TUSC3: variants seen among roughly 807,000 people sequenced by gnomAD.
The protein encoded by TUSC3 is tumor suppressor candidate 3, also known as dolichyl-diphosphooligosaccharide--protein glycosyltransferase subunit TUSC3.
Under a neutral mutation model 44.8 loss-of-function variants are expected in TUSC3, and 45 were observed. The ratio of observed to expected loss-of-function variants is 1.00; its 90% CI spans 0.79 to 1.29. The LOEUF (loss-of-function observed/expected upper bound fraction) is 1.29. TUSC3 is among the 50% of genes most tolerant of loss of function. The pLI, the probability that TUSC3 is intolerant of heterozygous loss-of-function variation, is 0.00. For synonymous variants in TUSC3, 212 were observed against 152.9 expected (o/e 1.39, Z -2.85); for missense variants, 519 against 437.9 (o/e 1.19, Z -1.65).
In TUSC3 at chr8:15,697,186, C is replaced by T. The variant is rs117671842; in HGVS notation, c.798+23350C>T. On this transcript the variant is annotated intron_variant, in intron 6 of 10. Transcript: ENST00000503731. The stretch of plus-strand genomic sequence containing the variant: ...TTTGTCTCTATTTTTCTTGGTTAAT[C>T]TTGCTAATGGTCTATCAGTTTTATT... Among the ~76,000 whole-genome samples the T allele has an allele frequency of 3.4e-3, 514 of 152,254 alleles. 9 individuals carry two copies. In the East Asian group the frequency reaches 0.035, roughly 10 times the overall value.
chr8:15,441,394 G>A lies in TUSC3; in HGVS notation n.91+24089G>A, dbSNP rs903651230. Among the ~76,000 whole-genome samples, 4 of 152,082 alleles carry A rather than the reference G, an allele frequency of 2.6e-5. No homozygotes were observed. In the South Asian group the frequency reaches 8.3e-4, roughly 32 times the overall value. On this transcript the variant is annotated intron_variant and non_coding_transcript_variant, in intron 1 of 5. Transcript: ENST00000503191. ...TGCACTCCAGGCTGGGTGAGACAGCGAGACTCTCTCAAAAAAATTAAGTAA... is the reference window on the plus strand; with the variant it reads ...TGCACTCCAGGCTGGGTGAGACAGCAAGACTCTCTCAAAAAAATTAAGTAA...
chr8:15,645,187 CTACT>C (rs1296378048), intron 2 of TUSC3, among the ~76,000 whole-genome samples: 3 of 152,104 alleles, frequency 2.0e-5, no homozygotes, highest in Non-Finnish European at 2.9e-5. Flanking sequence ...TTTGCATAAT[CTACT>C]TACTTCAGAA....
chr8:15,639,782 G>GT (rs34230510), intron 2 of TUSC3, among the ~76,000 whole-genome samples: 134,302 of 140,862 alleles, frequency 0.95, 64,136 homozygotes, highest in Middle Eastern at 0.99. Flanking sequence ...CATAAGAGTC[G>GT]TTTTTTTTTT....
the TUSC3 span, among the ~76,000 whole-genome samples, chr8:15,841,026 C>T: frequency 1.1e-4 from 16 of 152,124 alleles, no homozygotes; most frequent in Admixed American, 1.0e-3. Context: ...GACTAGGAGT[C>T]CCTTTAGTCC....
chr8:15,830,520 C>T, the TUSC3 span, among the ~76,000 whole-genome samples: 7 of 152,018 alleles, frequency 4.6e-5, no homozygotes, highest in South Asian at 2.1e-4. Flanking sequence ...AGGTGTTTAT[C>T]GATGGATGAC....
At position 15,544,907 on chromosome 8, in the gene TUSC3, C is replaced by T. The variant is rs540162261; in HGVS notation, c.138+4339C>T. On this transcript the variant is annotated intron_variant, in intron 1 of 10. Coordinates refer to ENST00000503731, the MANE Select transcript of TUSC3 (RefSeq NM_006765.4). ...AGCCAAAGCTGCTTGTCAGGAATGC[C>T]ATAGTGTCATGGATGATGGCAGAAG... 1.1e-4 allele frequency among the ~76,000 whole-genome samples: 17 copies of T among 151,838 alleles called. 1 individual carries two copies. The South Asian group carries it at 3.1e-3, about 28-fold the overall frequency.
intron 6 of TUSC3, among the ~76,000 whole-genome samples, chr8:15,721,720 A>G (rs777885244): frequency 2.6e-5 from 4 of 152,132 alleles, no homozygotes; most frequent in Non-Finnish European, 5.9e-5. Flanking sequence ...CTGTAAGTCT[A>G]GAAATATGTT....
At chr8:15,721,770 C>T (rs1810312513) in intron 6 of TUSC3, among the ~76,000 whole-genome samples, 1 of 152,016 alleles carries the variant, frequency 6.6e-6, no homozygotes, top group Admixed American at 6.6e-5. Flanking sequence ...TTAAGCAGTT[C>T]AGTCACAGGA....
intron 2 of TUSC3, among the ~76,000 whole-genome samples, chr8:15,635,771 T>C (rs1363213189): frequency 2.0e-5 from 3 of 152,142 alleles, no homozygotes; most frequent in Non-Finnish European, 4.4e-5. Context: ...TCAAGTCTAG[T>C]ATTCATTGTA....
chr8:15,527,647 C>T (rs925697441), intron 2 of TUSC3, among the ~76,000 whole-genome samples: 1 of 152,258 alleles, frequency 6.6e-6, no homozygotes, highest in East Asian at 1.9e-4. Context: ...TCAAGGGAAC[C>T]TCCCATGTTG....
chr8:15,626,639 T>TG (rs1487903906), intron 2 of TUSC3, among the ~76,000 whole-genome samples: 1 of 152,066 alleles, frequency 6.6e-6, no homozygotes, highest in African/African-American at 2.4e-5. Context: ...CCTGCAGGCT[T>TG]GGAGATGTCT....
At chr8:15,453,861 G>A (rs750189317) in intron 1 of TUSC3, among the ~76,000 whole-genome samples, 14 of 152,244 alleles carry the variant, frequency 9.2e-5, no homozygotes, top group Non-Finnish European at 1.8e-4. Context: ...CCAGCACCAG[G>A]GAAAGGCAGT....
chr8:15,767,298 C>T (rs1340293844), downstream of TUSC3, among the ~76,000 whole-genome samples: 3 of 151,918 alleles, frequency 2.0e-5, no homozygotes, highest in Admixed American at 6.6e-5. Context: ...TCTCACCTTC[C>T]GGCCATAATA....
intron 1 of TUSC3, among the ~76,000 whole-genome samples, chr8:15,446,618 T>TC (rs1229609336): frequency 6.6e-6 from 1 of 151,046 alleles, no homozygotes; most frequent in Non-Finnish European, 1.5e-5. Context: ...TCCCAGGCGC[T>TC]CGGCAGGCTG....
intron 2 of TUSC3, among the ~76,000 whole-genome samples, chr8:15,624,626 C>T (rs942565999): frequency 1.3e-5 from 2 of 152,102 alleles, no homozygotes; most frequent in African/African-American, 4.8e-5. Context: ...AGTATCTGTT[C>T]ATAGTCTTCT....
At chr8:15,502,865 A>G (rs755736950) in intron 2 of TUSC3, among the ~76,000 whole-genome samples, 4 of 152,200 alleles carry the variant, frequency 2.6e-5, no homozygotes, top group African/African-American at 7.2e-5. Context: ...GTGCCTTCCC[A>G]AAAAGAATGC....
chr8:15,633,086 C>T (rs1805892247), intron 2 of TUSC3, among the ~76,000 whole-genome samples: 1 of 152,110 alleles, frequency 6.6e-6, no homozygotes. Context: ...GGATATGGTT[C>T]TGTGGGGATG....
At chr8:15,697,535 C>T (rs1230878446) in intron 6 of TUSC3, among the ~76,000 whole-genome samples, 1 of 152,174 alleles carries the variant, frequency 6.6e-6, no homozygotes, top group South Asian at 2.1e-4. Context: ...CTTGCTACAA[C>T]TTTCTCAAAT....
At chr8:15,502,614 C>T (rs145848365) in intron 2 of TUSC3, among the ~76,000 whole-genome samples, 1,620 of 152,302 alleles carry the variant, frequency 0.011, 27 homozygotes, top group African/African-American at 0.037. Flanking sequence ...TCTCAGCCTC[C>T]CAAGTAGCTG....
Sources: gnomAD v4.1 joint callset for allele counts (sites outside exome capture counted in the v4.1 genomes callset) on GRCh38, gnomAD v4.1.1 for gene constraint, MANE v1.5 for transcripts, NCBI Gene and HGNC (gene_info 2026-07-23, HGNC 2026-07-21) for gene names.